The following PHF11 variants were observed in gnomAD, a reference collection of about 807,000 sequenced individuals.
PHF11 encodes PHD finger protein 11.
In PHF11, 38 loss-of-function variants were observed where a neutral mutation model predicts 40.5. That is an observed-to-expected ratio of 0.94 (90% CI 0.72 to 1.23). The LOEUF (loss-of-function observed/expected upper bound fraction) is 1.23, where lower values mean the gene tolerates loss of function less well. Among genes scored for constraint, PHF11 ranks in the 50% most tolerant of loss-of-function variants. PHF11 has a pLI of 0.00. For synonymous variants in PHF11, 127 were observed against 138.2 expected, an observed-to-expected ratio of 0.92 and a Z score of 0.57; for missense variants, 369 against 392.4, an observed-to-expected ratio of 0.94 and a Z score of 0.50.
Position 49,515,588 on chromosome 13 carries a change from G to A in PHF11, c.324+2422G>A, listed in dbSNP as rs542923577. On this transcript the variant is annotated intron_variant, in intron 3 of 9. Coordinates refer to ENST00000378319, the MANE Select transcript of PHF11 (RefSeq NM_001040443.3). ...GAAGTCTAAGGACTCTCTTTTCCTC[G>A]TCAACCTCCCAGCCCAACACCAAGC... Among the ~76,000 whole-genome samples, 14 of 151,400 alleles carry A rather than the reference G, an allele frequency of 9.2e-5. No homozygotes were observed. In the East Asian group the frequency reaches 1.7e-3, roughly 19 times the overall value.
At chr13:49,523,296 TCAACCC>T in intron 7 of PHF11, 55 bp downstream of exon 7, 1 of 1,187,946 alleles carries the variant, frequency 8.4e-7, no homozygotes, top group Non-Finnish European at 1.3e-6. Context: ...TATAAAAATG[TCAACCC>T]ACCTGTTTCA....
chr13:49,497,135 A>T, intron 1 of PHF11: 1 of 1,289,396 alleles, frequency 7.8e-7, no homozygotes, highest in Non-Finnish European at 1.0e-6. Context: ...AAACCACAAA[A>T]CGTCACACGT....
chr13:49,521,070 A>G, intron 5 of PHF11, 130 bp downstream of exon 5: 1 of 1,394,340 alleles, frequency 7.2e-7, no homozygotes, highest in Non-Finnish European at 9.4e-7. Flanking sequence ...TTACACATCT[A>G]GAAAATTGAC....
At chr13:49,520,573 A>C (rs7986462) in intron 4 of PHF11, among the ~76,000 whole-genome samples, 6,537 of 152,230 alleles carry the variant, frequency 0.043, 485 homozygotes, top group African/African-American at 0.15. Flanking sequence ...TAGATTGTGG[A>C]TCTTTAGGTA....
rs765683187 is a variant in PHF11, at chr13:49,518,114, G to A, written c.421G>A (p.Ala141Thr). 3.1e-6 allele frequency: 5 copies of A among 1,607,722 alleles called. No homozygotes were observed. The highest frequency in any genetic ancestry group is 1.1e-5 in the South Asian group (1 of 90,560). ...CTTTTTCTGTGCCAAGAAGGACGAC[G>A]CAGTTCCACAGTCTGATGGAGTTCG... is the stretch of plus-strand genomic sequence containing the variant. ...YHFFCAKKDD[A>T]VPQSDGVRGI... Residue 141 changes from alanine to threonine, a missense_variant, in exon 4 of 10, where the codon GCA becomes ACA. Coordinates refer to ENST00000378319, the MANE Select transcript of PHF11 (RefSeq NM_001040443.3).
chr13:49,505,756 C>T (rs1176888477), intron 1 of PHF11, among the ~76,000 whole-genome samples: 1 of 152,054 alleles, frequency 6.6e-6, no homozygotes, highest in African/African-American at 2.4e-5. Flanking sequence ...ACCTCTTCTT[C>T]CCTTAGATTT....
In PHF11 at chr13:49,496,595, G is replaced by C. The variant is rs915475460; in HGVS notation, c.94+500G>C. 1.8e-4 allele frequency: 45 copies of C among 254,538 alleles called. 2 individuals carry two copies. Among genetic ancestry groups the C allele is most frequent in the Non-Finnish European group, 3.7e-5 (6 of 161,726 alleles). 15.8% of individuals were successfully genotyped at this position (254,538 alleles called of 1,614,324 possible). On this transcript the variant is annotated intron_variant, in intron 1 of 9. Transcript: ENST00000378319. ...TCCAGTCCTCCCCGGCCCTCTACTT[G>C]AGTGGGTGGGTCTTCTGATGGGTTC...
intron 2 of PHF11, among the ~76,000 whole-genome samples, chr13:49,507,122 A>G (rs1248821731): frequency 1.3e-5 from 2 of 151,632 alleles, no homozygotes; most frequent in Admixed American, 6.6e-5. Flanking sequence ...AGCCAGGATG[A>G]TCTCGATCTC....
At chr13:49,501,012 TTTTGG>T (rs761975139) in intron 1 of PHF11, among the ~76,000 whole-genome samples, 9,845 of 123,644 alleles carry the variant, frequency 0.08, 873 homozygotes, top group South Asian at 0.23. Context: ...TTTTTTTTTT[TTTTGG>T]TTTTTTTTTT....
chr13:49,503,878 G>A (rs1008937111), intron 1 of PHF11, among the ~76,000 whole-genome samples: 4 of 152,140 alleles, frequency 2.6e-5, no homozygotes, highest in Non-Finnish European at 5.9e-5. Flanking sequence ...AATTACAGGT[G>A]TGTGCCACCA....
intron 8 of PHF11, 134 bp from the exon 9 acceptor site, chr13:49,526,253 T>TGC (rs1959271021): frequency 1.6e-5 from 10 of 626,044 alleles, no homozygotes; most frequent in East Asian, 2.8e-5. Flanking sequence ...GCTGCTGCTG[T>TGC]TGCCATCTAA....
At chr13:49,509,433 G>C (rs768201386) in intron 2 of PHF11, among the ~76,000 whole-genome samples, 1 of 152,020 alleles carries the variant, frequency 6.6e-6, no homozygotes, top group Non-Finnish European at 1.5e-5. Context: ...AGATGGTCTT[G>C]ATCTCTTGAC....
rs1959279655 is a variant in PHF11 at position 49,526,408 on chromosome 13, C to T, written c.791C>T (p.Ala264Val). The T allele has an allele frequency of 2.5e-6, 4 of 1,610,124 alleles. No individual in the cohort carries two copies. The South Asian group carries it at 4.4e-5, about 18-fold the overall frequency. Residue 264 changes from alanine to valine, a missense_variant, in exon 9 of 10, where the codon GCA becomes GTA. Physicochemically the swap from Ala to Val is moderately conservative, Grantham distance 64. Transcript: ENST00000378319. Reference sequence around the variant, plus strand: ...CCAGACTATGAAGAAATCGGGAGTGCACTTTTTGACTGTAGATTGTTCGAA... The same window carrying T: ...CCAGACTATGAAGAAATCGGGAGTGTACTTTTTGACTGTAGATTGTTCGAA... Reference protein sequence around the residue: ...SESDYEEIGSALFDCRLFEDT... With the variant: ...SESDYEEIGSVLFDCRLFEDT...
chr13:49,513,201 G>C lies in PHF11; in HGVS notation c.324+35G>C, dbSNP rs1247883012. 4.0e-6 allele frequency: 4 copies of C among 988,346 alleles called. No individual in the cohort carries two copies. In the East Asian group the frequency reaches 9.7e-5, roughly 24 times the overall value. 61.2% of individuals were successfully genotyped at this position (988,346 alleles called of 1,614,324 possible). On this transcript the variant is annotated intron_variant, in intron 3 of 9. Transcript: ENST00000378319. Reference sequence around the variant, plus strand: ...AATGATGTTATTTCTTATACTGGATGAACAGACCCTCAAGGAATGCATTCC... The same window carrying C: ...AATGATGTTATTTCTTATACTGGATCAACAGACCCTCAAGGAATGCATTCC...
At chr13:49,498,545 T>C (rs1353249513) in intron 1 of PHF11, among the ~76,000 whole-genome samples, 1 of 152,204 alleles carries the variant, frequency 6.6e-6, no homozygotes, top group Non-Finnish European at 1.5e-5. Flanking sequence ...GACAGTGACC[T>C]GGTACATTTC....
intron 9 of PHF11, among the ~76,000 whole-genome samples, chr13:49,526,953 G>C (rs973941634): frequency 6.6e-6 from 1 of 151,728 alleles, no homozygotes; most frequent in African/African-American, 2.4e-5. Context: ...CCTCCCTCTC[G>C]CTTGGTGAGA....
At chr13:49,516,336 T>C (rs2139059858) in intron 3 of PHF11, among the ~76,000 whole-genome samples, 1 of 152,136 alleles carries the variant, frequency 6.6e-6, no homozygotes, top group South Asian at 2.1e-4. Context: ...CCTAAAACCA[T>C]GCCTGCCACA....
intron 1 of PHF11, among the ~76,000 whole-genome samples, chr13:49,500,755 T>A (rs1437959917): frequency 2.0e-5 from 3 of 152,222 alleles, no homozygotes; most frequent in Admixed American, 2.0e-4. Context: ...ATCTGTCTTG[T>A]CTGTCTTGTT....
intron 5 of PHF11, chr13:49,521,153 A>C (rs1566195870): frequency 1.6e-6 from 2 of 1,222,206 alleles, no homozygotes; most frequent in Non-Finnish European, 1.0e-6. Context: ...TTCTCTTTGA[A>C]CCATTCCCTG....
Sources: allele counts gnomAD v4.1 joint callset (sites outside exome capture counted in the v4.1 genomes callset), GRCh38; gene constraint gnomAD v4.1.1; transcripts MANE v1.5; gene names NCBI Gene and HGNC (gene_info 2026-07-23, HGNC 2026-07-21).